Variants in XRCC4 observed in about 807,000 individuals in gnomAD.
XRCC4 encodes the protein DNA repair protein XRCC4.
A neutral mutation model predicts 39.1 loss-of-function variants in XRCC4; 28 were observed. The ratio of observed to expected loss-of-function variants is 0.72; its 90% CI spans 0.53 to 0.98. The LOEUF (loss-of-function observed/expected upper bound fraction) is 0.98, where lower values mean the gene tolerates loss of function less well. Among genes scored for constraint, XRCC4 ranks in the 50% least tolerant of loss-of-function variants. XRCC4 has a pLI of 0.00. For missense variants in XRCC4, 350 were observed against 376.4 expected (o/e 0.93, Z 0.58); for synonymous variants, 123 against 126.4 (o/e 0.97, Z 0.18).
chr5:83,345,035 T>C (rs759398454), intron 7 of XRCC4, among the ~76,000 whole-genome samples: 1 of 152,190 alleles, frequency 6.6e-6, no homozygotes, highest in Middle Eastern at 3.2e-3. Context: ...TTTACCTCCA[T>C]TGTTTCCTCT....
At chr5:83,127,327 G>T (rs1747318837) in intron 3 of XRCC4, among the ~76,000 whole-genome samples, 1 of 152,060 alleles carries the variant, frequency 6.6e-6, no homozygotes, top group African/African-American at 2.4e-5. Context: ...TTCACATCTT[G>T]TGGGAGGGAC....
intron 3 of XRCC4, among the ~76,000 whole-genome samples, chr5:83,164,859 G>A (rs760296165): frequency 6.6e-6 from 1 of 152,066 alleles, no homozygotes; most frequent in African/African-American, 2.4e-5. Context: ...AAGAAATTAA[G>A]AGTAAGCTAT....
At chr5:83,150,316 G>T (rs1484610762) in intron 3 of XRCC4, among the ~76,000 whole-genome samples, 1 of 152,144 alleles carries the variant, frequency 6.6e-6, no homozygotes, top group African/African-American at 2.4e-5. Context: ...ATTCGTAGCA[G>T]TGTCTCATAA....
chr5:83,284,079 C>T (rs1162099676), intron 7 of XRCC4, among the ~76,000 whole-genome samples: 1 of 63,752 alleles, frequency 1.6e-5, no homozygotes, highest in Admixed American at 1.5e-4. Flanking sequence ...AAAAAAAAAA[C>T]GAATAATTCA....
intron 1 of XRCC4, among the ~76,000 whole-genome samples, chr5:83,088,878 A>G (rs1014426418): frequency 6.6e-6 from 1 of 152,202 alleles, no homozygotes; most frequent in Non-Finnish European, 1.5e-5. Flanking sequence ...AGGCAGGAAC[A>G]TGTTTGATTT....
chr5:83,267,278 A>G (rs867680323), intron 7 of XRCC4, among the ~76,000 whole-genome samples: 10 of 152,278 alleles, frequency 6.6e-5, no homozygotes, highest in Middle Eastern at 3.4e-3. Context: ...TGTTATTTCT[A>G]AAGGTATAAA....
intron 6 of XRCC4, among the ~76,000 whole-genome samples, chr5:83,256,414 T>A (rs548281665): frequency 6.6e-5 from 10 of 152,346 alleles, no homozygotes; most frequent in African/African-American, 2.4e-4. Flanking sequence ...ATTTTATTTT[T>A]AAAAATTTTG....
chr5:83,233,393 CT>C (rs1222843517), intron 6 of XRCC4, among the ~76,000 whole-genome samples: 1 of 152,076 alleles, frequency 6.6e-6, no homozygotes, highest in Non-Finnish European at 1.5e-5. Flanking sequence ...TCTTCCTCAT[CT>C]TTAGGCACCC....
chr5:83,173,686 C>T (rs1281672905), intron 3 of XRCC4, among the ~76,000 whole-genome samples: 1 of 152,156 alleles, frequency 6.6e-6, no homozygotes, highest in African/African-American at 2.4e-5. Context: ...CCAGTCACAC[C>T]TGGCATCTAG....
chr5:83,174,939 C>G (rs535918122), intron 3 of XRCC4, among the ~76,000 whole-genome samples: 31 of 152,260 alleles, frequency 2.0e-4, no homozygotes, highest in African/African-American at 7.0e-4. Context: ...CCTTATACTA[C>G]TACTCTCTTT....
At chr5:83,269,358 G>T (rs993958685) in intron 7 of XRCC4, among the ~76,000 whole-genome samples, 2 of 151,702 alleles carry the variant, frequency 1.3e-5, no homozygotes, top group African/African-American at 4.8e-5. Context: ...AGGAGGATAG[G>T]ATGTAATTTC....
At chr5:83,112,129 T>C (rs962338711) in intron 3 of XRCC4, among the ~76,000 whole-genome samples, 8 of 151,980 alleles carry the variant, frequency 5.3e-5, no homozygotes, top group African/African-American at 1.7e-4. Context: ...CTTAGTAATT[T>C]ATATTTAAAA....
chr5:83,270,057 C>T (rs548643318), intron 7 of XRCC4, among the ~76,000 whole-genome samples: 3 of 152,216 alleles, frequency 2.0e-5, no homozygotes, highest in Non-Finnish European at 4.4e-5. Context: ...GAGACAGTGA[C>T]GGATTAGCAG....
At chr5:83,242,544 C>T (rs1752953940) in intron 6 of XRCC4, among the ~76,000 whole-genome samples, 1 of 152,090 alleles carries the variant, frequency 6.6e-6, no homozygotes, top group Non-Finnish European at 1.5e-5. Context: ...CTCCTGGGCT[C>T]AAGTGATCCT....
chr5:83,198,442 T>C (rs897525952), intron 4 of XRCC4, among the ~76,000 whole-genome samples: 2 of 152,138 alleles, frequency 1.3e-5, no homozygotes, highest in African/African-American at 4.8e-5. Context: ...ATGTTGATCA[T>C]ATATTAAGGT....
intron 6 of XRCC4, among the ~76,000 whole-genome samples, chr5:83,247,912 GATTA>G (rs1194963723): frequency 6.6e-6 from 1 of 152,074 alleles, no homozygotes; most frequent in African/African-American, 2.4e-5. Context: ...CATTTTTCTT[GATTA>G]ATTATTCTTC....
intron 6 of XRCC4, among the ~76,000 whole-genome samples, chr5:83,240,622 C>G (rs1752871716): frequency 6.6e-6 from 1 of 151,878 alleles, no homozygotes; most frequent in Non-Finnish European, 1.5e-5. Flanking sequence ...TGGGGCCACA[C>G]AAAAAAATGT....
chr5:83,099,577 A>G (rs1185081242), intron 1 of XRCC4, among the ~76,000 whole-genome samples: 1 of 152,194 alleles, frequency 6.6e-6, no homozygotes, highest in Non-Finnish European at 1.5e-5. Context: ...CTTCTAAGAG[A>G]GAGGCCAAGT....
At chr5:83,352,938 T>TA (rs1256578827) in intron 7 of XRCC4, among the ~76,000 whole-genome samples, 193 bp from the exon 8 acceptor site, 2 of 152,162 alleles carry the variant, frequency 1.3e-5, no homozygotes, top group Non-Finnish European at 2.9e-5. Flanking sequence ...ATAGAGACAT[T>TA]AATTCTAAAG....
Sources: gnomAD v4.1 joint callset for allele counts (sites outside exome capture counted in the v4.1 genomes callset) on GRCh38, gnomAD v4.1.1 for gene constraint, MANE v1.5 for transcripts, NCBI Gene and HGNC (gene_info 2026-07-23, HGNC 2026-07-21) for gene names.